Variants in CSMD1 observed in about 807,000 individuals in gnomAD.
The protein encoded by CSMD1 is CUB and Sushi multiple domains 1.
CSMD1 carries 213 observed loss-of-function variants against 417.5 expected under a neutral mutation model. The observed-to-expected ratio is 0.51, with a 90% confidence interval of 0.46 to 0.57. The LOEUF is 0.57. Ranked by LOEUF, CSMD1 falls within the 20% of genes least tolerant of loss-of-function variation. CSMD1 has a pLI of 0.00. For missense variants in CSMD1, 6,923 were observed against 4,529.7 expected, an observed-to-expected ratio of 1.53 and a Z score of -15.17; for synonymous variants, 2,862 against 1,736.8, an observed-to-expected ratio of 1.65 and a Z score of -16.11.
intron 28 of CSMD1, among the ~76,000 whole-genome samples, chr8:3,219,809 G>A (rs1798097410): frequency 6.6e-6 from 1 of 152,048 alleles, no homozygotes; most frequent in African/African-American, 2.4e-5. Flanking sequence ...CATTTCCACT[G>A]ACCTTTTATC....
intron 42 of CSMD1, among the ~76,000 whole-genome samples, chr8:3,115,194 TCCCC>T (rs5888947): frequency 2.7e-5 from 3 of 109,128 alleles, no homozygotes; most frequent in South Asian, 3.3e-4. Flanking sequence ...ACAATTACAA[TCCCC>T]CCCCCCCCTT....
chr8:4,438,491 C>T (rs1175257757), intron 2 of CSMD1, among the ~76,000 whole-genome samples: 1 of 152,220 alleles, frequency 6.6e-6, no homozygotes, highest in African/African-American at 2.4e-5. Context: ...GGTTCCACAG[C>T]ACCTGGCTGT....
chr8:4,933,912 T>C (rs974675657), intron 1 of CSMD1, among the ~76,000 whole-genome samples: 2 of 152,188 alleles, frequency 1.3e-5, no homozygotes, highest in African/African-American at 2.4e-5. Context: ...ATTTGTTACA[T>C]TTTTAAATTT....
At chr8:3,537,735 G>A (rs1169489207) in intron 10 of CSMD1, among the ~76,000 whole-genome samples, 1 of 152,130 alleles carries the variant, frequency 6.6e-6, no homozygotes, top group Non-Finnish European at 1.5e-5. Context: ...AGAATCAAAA[G>A]TTTTTAACTA....
chr8:3,443,732 T>A (rs997583783), intron 12 of CSMD1, among the ~76,000 whole-genome samples: 1 of 152,180 alleles, frequency 6.6e-6, no homozygotes, highest in African/African-American at 2.4e-5. Flanking sequence ...TAATTGTGAA[T>A]CTAGCAATGG....
chr8:3,284,013 C>T lies in CSMD1; in HGVS notation c.4153+131G>A, dbSNP rs1802946582. On this transcript the variant is annotated intron_variant, in intron 26 of 69. Coordinates refer to ENST00000635120, the MANE Select transcript of CSMD1 (RefSeq NM_033225.6). ...AACTCTTCTCTGCAACATGCATTTT[C>T]CTAACTTCAAATTAGGCTCAATAAA... is the stretch of plus-strand genomic sequence containing the variant. 6.1e-6 allele frequency: 5 copies of T among 813,372 alleles called. No homozygotes were observed. The East Asian group carries it at 1.3e-4, about 22-fold the overall frequency. The allele number at this position is 813,372 out of a possible 1,614,324, so 50.4% of individuals were successfully genotyped here. A position where few individuals can be genotyped will look rare whatever the true frequency, so the allele number is the denominator to read the frequency against.
intron 6 of CSMD1, among the ~76,000 whole-genome samples, chr8:3,727,219 T>C (rs1802547508): frequency 6.6e-6 from 1 of 152,216 alleles, no homozygotes; most frequent in Non-Finnish European, 1.5e-5. Context: ...ATTTTCAAAG[T>C]TGCGTTTGAC....
Position 4,219,600 on chromosome 8 carries a change from C to T in CSMD1, c.416-187501G>A, listed in dbSNP as rs111870856. On this transcript the variant is annotated intron_variant, in intron 3 of 69. Coordinates refer to ENST00000635120, the MANE Select transcript of CSMD1 (RefSeq NM_033225.6). ...TATTGGTCTCAATTTCTACGGTTGG[C>T]TCCAACCCAAAAAACACTATATCAC... Among the ~76,000 whole-genome samples the T allele has an allele frequency of 8.5e-3, 1,297 of 152,214 alleles. 21 individuals carry two copies. The highest frequency in any genetic ancestry group is 0.028 in the African/African-American group (1,180 of 41,550).
chr8:4,346,990 TGAG>T (rs1222468223), intron 3 of CSMD1, among the ~76,000 whole-genome samples: 8 of 152,206 alleles, frequency 5.3e-5, no homozygotes, highest in African/African-American at 1.7e-4. Flanking sequence ...TGCTTGTGGC[TGAG>T]GACAAGGGCT....
intron 27 of CSMD1, among the ~76,000 whole-genome samples, chr8:3,227,420 G>A (rs189271690): frequency 2.0e-5 from 3 of 151,970 alleles, no homozygotes; most frequent in South Asian, 2.1e-4. Flanking sequence ...AAACAAACAC[G>A]TTTTAAAAGT....
At chr8:3,391,525 C>A (rs1184758518) in intron 17 of CSMD1, among the ~76,000 whole-genome samples, 1 of 152,202 alleles carries the variant, frequency 6.6e-6, no homozygotes, top group Non-Finnish European at 1.5e-5. Flanking sequence ...GACACTGTGC[C>A]ACATTCCTCG....
chr8:4,451,041 G>C (rs555190817), intron 2 of CSMD1, among the ~76,000 whole-genome samples: 1 of 152,092 alleles, frequency 6.6e-6, no homozygotes, highest in Non-Finnish European at 1.5e-5. Context: ...ATGGAATTTA[G>C]TGAATTCTGC....
intron 54 of CSMD1, among the ~76,000 whole-genome samples, chr8:2,982,566 C>T (rs191971021): frequency 8.5e-5 from 13 of 152,248 alleles, no homozygotes; most frequent in Non-Finnish European, 1.5e-4. Flanking sequence ...GCAGTTTTGC[C>T]AGCTCTAAGA....
chr8:4,048,190 T>C (rs879608736), intron 3 of CSMD1, among the ~76,000 whole-genome samples: 1 of 152,226 alleles, frequency 6.6e-6, no homozygotes, highest in Non-Finnish European at 1.5e-5. Flanking sequence ...TGGTGCTGTA[T>C]GGATGTTTTC....
chr8:4,547,707 T>A (rs765121847), intron 2 of CSMD1, among the ~76,000 whole-genome samples: 1 of 152,202 alleles, frequency 6.6e-6, no homozygotes, highest in Non-Finnish European at 1.5e-5. Context: ...AAGTCTCTTA[T>A]CTGGAGTAGA....
intron 1 of CSMD1, among the ~76,000 whole-genome samples, chr8:4,699,569 C>G (rs1807375858): frequency 6.6e-6 from 1 of 152,154 alleles, no homozygotes; most frequent in African/African-American, 2.4e-5. Context: ...TCCTTTCTTT[C>G]TAATTTAACC....
chr8:2,982,607 C>G (rs1408056799), intron 54 of CSMD1, among the ~76,000 whole-genome samples: 2 of 152,186 alleles, frequency 1.3e-5, no homozygotes, highest in African/African-American at 4.8e-5. Context: ...ATGCCTCACA[C>G]CGTAGTAGGT....
intron 3 of CSMD1, among the ~76,000 whole-genome samples, chr8:4,255,980 G>A (rs943548339): frequency 9.2e-5 from 14 of 152,104 alleles, no homozygotes; most frequent in African/African-American, 2.4e-4. Flanking sequence ...GTGAAAATAC[G>A]ACTACGTGCA....
chr8:4,392,974 T>TA (rs1188579241), intron 3 of CSMD1, among the ~76,000 whole-genome samples: 8 of 151,362 alleles, frequency 5.3e-5, no homozygotes, highest in Admixed American at 2.6e-4. Flanking sequence ...GTGTCAAAAA[T>TA]AAAAAACAAA....
Sources: allele counts gnomAD v4.1 joint callset (sites outside exome capture counted in the v4.1 genomes callset), GRCh38; gene constraint gnomAD v4.1.1; transcripts MANE v1.5; gene names NCBI Gene and HGNC (gene_info 2026-07-23, HGNC 2026-07-21).